DYRK1A: variants seen among roughly 807,000 people sequenced by gnomAD.
DYRK1A encodes dual specificity tyrosine phosphorylation regulated kinase 1A, also known as dual specificity tyrosine-phosphorylation-regulated kinase 1A.
A neutral mutation model predicts 79.7 loss-of-function variants in DYRK1A; 9 were observed. The ratio of observed to expected loss-of-function variants is 0.11; its 90% CI spans 0.07 to 0.20. DYRK1A has a LOEUF of 0.20. Ranked by LOEUF, DYRK1A falls within the 10% of genes least tolerant of loss-of-function variation. DYRK1A has a pLI of 1.00. For missense variants in DYRK1A, 622 were observed against 956.0 expected, an observed-to-expected ratio of 0.65 and a Z score of 4.61; for synonymous variants, 349 against 329.7, an observed-to-expected ratio of 1.06 and a Z score of -0.63.
At chr21:37,389,019 CAAAAAAAAGCTTTTAAATTA>C (rs2049817846) in intron 1 of DYRK1A, among the ~76,000 whole-genome samples, 1 of 146,776 alleles carries the variant, frequency 6.8e-6, no homozygotes, top group Admixed American at 6.8e-5. Flanking sequence ...GTGCAGTGGC[CAAAAAAAAGCTTTTAAATTA>C]AAAAAAAAAA....
intron 2 of DYRK1A, among the ~76,000 whole-genome samples, chr21:37,453,451 G>A (rs2051526848): frequency 1.3e-5 from 2 of 151,926 alleles, no homozygotes; most frequent in South Asian, 4.1e-4. Flanking sequence ...ATCGAGGAAG[G>A]GTTTTGTTCT....
intron 8 of DYRK1A, 32 bp from the exon 9 acceptor site, chr21:37,496,086 T>G (rs769398746): frequency 6.3e-6 from 10 of 1,590,250 alleles, no homozygotes; most frequent in South Asian, 5.8e-5. Context: ...CAGTAGAAAT[T>G]ACAGGTTTTG....
intron 1 of DYRK1A, among the ~76,000 whole-genome samples, chr21:37,368,678 T>C (rs1446469391): frequency 1.3e-5 from 2 of 152,186 alleles, no homozygotes; most frequent in African/African-American, 2.4e-5. Context: ...GTTCCCATTT[T>C]ATAGATGAGG....
intron 2 of DYRK1A, among the ~76,000 whole-genome samples, chr21:37,433,919 T>C (rs1008829572): frequency 6.6e-6 from 1 of 152,194 alleles, no homozygotes; most frequent in Non-Finnish European, 1.5e-5. Context: ...GGGGTTAATA[T>C]TAGATTATTT....
intron 6 of DYRK1A, chr21:37,488,612 T>G (rs879339752): frequency 4.1e-6 from 4 of 985,274 alleles, no homozygotes; most frequent in Non-Finnish European, 4.8e-6. Context: ...TGAACAAATA[T>G]GCTTGTTTGA....
chr21:37,385,900 G>A (rs1041501054), intron 1 of DYRK1A, among the ~76,000 whole-genome samples: 6 of 152,118 alleles, frequency 3.9e-5, no homozygotes, highest in African/African-American at 1.4e-4. Flanking sequence ...AATAAGCCTG[G>A]GGAAAATTAC....
At chr21:37,458,236 G>A (rs1569340619) in intron 2 of DYRK1A, among the ~76,000 whole-genome samples, 1 of 151,424 alleles carries the variant, frequency 6.6e-6, no homozygotes, top group Non-Finnish European at 1.5e-5. Flanking sequence ...TATGGTCAAG[G>A]GGGCGGTAGG....
chr21:37,497,315 G>C (rs544631861), intron 9 of DYRK1A, among the ~76,000 whole-genome samples: 68 of 152,240 alleles, frequency 4.5e-4, no homozygotes, highest in African/African-American at 1.5e-3. Context: ...TGATTTGTAA[G>C]TTCTTGTGTT....
Position 37,512,286 on chromosome 21 carries a change from C to T in DYRK1A, c.2020C>T (p.Arg674Cys), listed in dbSNP as rs201554841. 3.7e-5 allele frequency: 60 copies of T among 1,614,112 alleles called. No individual in the cohort carries two copies. The highest frequency in any genetic ancestry group is 6.7e-5 in the Admixed American group (4 of 60,010). The change falls in exon 12 of 12, where the codon CGC becomes TGC. Residue 674 changes from arginine (R) to cysteine (C), a missense_variant. By Grantham distance (180) the Arg-to-Cys change is radical (BLOSUM62 -3). This residue lies in a region of DYRK1A where 292 missense variants were observed against 316.7 expected (regional missense o/e 0.92). Transcript: ENST00000647188. ...GNQGNQAYQN[R>C]PVAANTLDFG... ...CCAAGGCAATCAGGCCTACCAGAAT[C>T]GCCCAGTGGCTGCTAATACCTTGGA...
intron 2 of DYRK1A, among the ~76,000 whole-genome samples, chr21:37,428,406 T>C (rs1042760980): frequency 6.6e-6 from 1 of 152,194 alleles, no homozygotes; most frequent in Admixed American, 6.5e-5. Context: ...TGTAGTGTAA[T>C]ATGTATCTCC....
At chr21:37,470,606 T>C (rs2052188690) in intron 2 of DYRK1A, among the ~76,000 whole-genome samples, 2 of 152,234 alleles carry the variant, frequency 1.3e-5, no homozygotes, top group African/African-American at 4.8e-5. Flanking sequence ...CTTTTACTGT[T>C]TATAAGAACT....
chr21:37,491,365 T>C (rs1201121496), intron 7 of DYRK1A, among the ~76,000 whole-genome samples: 1 of 152,162 alleles, frequency 6.6e-6, no homozygotes, highest in Non-Finnish European at 1.5e-5. Flanking sequence ...GCACTATTCT[T>C]TTTGCTTTAA....
intron 2 of DYRK1A, among the ~76,000 whole-genome samples, chr21:37,468,725 A>G (rs1193411703): frequency 6.6e-6 from 1 of 150,510 alleles, no homozygotes; most frequent in Non-Finnish European, 1.5e-5. Flanking sequence ...TGGATTTTGC[A>G]TTTAGATGTG....
At chr21:37,424,349 A>G (rs1263198895) in intron 2 of DYRK1A, among the ~76,000 whole-genome samples, 2 of 152,208 alleles carry the variant, frequency 1.3e-5, no homozygotes, top group East Asian at 3.8e-4. Context: ...AGATGATACA[A>G]AATCACTGAA....
chr21:37,413,475 G>A (rs1395205706), intron 1 of DYRK1A, among the ~76,000 whole-genome samples: 1 of 152,156 alleles, frequency 6.6e-6, no homozygotes, highest in Non-Finnish European at 1.5e-5. Context: ...GGTGCTGTCA[G>A]AAGGGAGAGA....
intron 2 of DYRK1A, 130 bp from the exon 3 acceptor site, chr21:37,472,554 G>A: frequency 1.6e-6 from 1 of 626,782 alleles, no homozygotes; most frequent in Non-Finnish European, 2.6e-6. Context: ...ACATATACCT[G>A]TTTGTAGTTA....
intron 2 of DYRK1A, among the ~76,000 whole-genome samples, chr21:37,459,075 T>C (rs2051754449): frequency 6.6e-6 from 1 of 152,206 alleles, no homozygotes; most frequent in Non-Finnish European, 1.5e-5. Flanking sequence ...ATATACCGTC[T>C]GACAACTACT....
intron 2 of DYRK1A, among the ~76,000 whole-genome samples, chr21:37,427,361 T>G (rs2050655530): frequency 6.6e-6 from 1 of 152,238 alleles, no homozygotes; most frequent in Non-Finnish European, 1.5e-5. Flanking sequence ...CAGCCTTAAG[T>G]GATTCTTCCG....
At position 37,515,845 on chromosome 21, in the gene DYRK1A, G is replaced by A. The variant is rs2053875181; in HGVS notation, c.*3314G>A. ...GATATTGGGCTGAAAAAAAAAAACC[G>A]ACATTTTTATTTAAAACTACATGTA... is the stretch of plus-strand genomic sequence containing the variant. On this transcript the variant is annotated 3_prime_UTR_variant, in exon 12 of 12. Transcript: ENST00000647188. 6.6e-6 allele frequency: 1 copy of A among 151,278 alleles called. No homozygotes were observed. The allele number at this position is 151,278 out of a possible 1,614,324, so 9.4% of individuals were successfully genotyped here.
Sources: gnomAD v4.1 joint callset for allele counts (sites outside exome capture counted in the v4.1 genomes callset) on GRCh38, gnomAD v4.1.1 for gene constraint, gnomAD v4.1.1 regional missense constraint, MANE v1.5 for transcripts, NCBI Gene and HGNC (gene_info 2026-07-23, HGNC 2026-07-21) for gene names.